Variants in TMEM114 observed in about 807,000 individuals in gnomAD.
TMEM114 encodes the protein claudin-26.
TMEM114 carries 6 observed loss-of-function variants against 6.2 expected under a neutral mutation model. The ratio of observed to expected loss-of-function variants is 0.97; its 90% CI spans 0.53 to 1.91. The LOEUF is 1.91. Ranked by LOEUF, TMEM114 falls within the 40% of genes most tolerant of loss-of-function variation. TMEM114 has a pLI of 0.01. For synonymous variants in TMEM114, 104 were observed against 73.0 expected, an observed-to-expected ratio of 1.42 and a Z score of -2.16; for missense variants, 218 against 158.3, an observed-to-expected ratio of 1.38 and a Z score of -2.02.
At chr16:8,539,772 AT>A (rs1326922640) in intron 2 of TMEM114, among the ~76,000 whole-genome samples, 2 of 152,162 alleles carry the variant, frequency 1.3e-5, no homozygotes, top group Admixed American at 6.5e-5. Flanking sequence ...GAAAAAAAAA[AT>A]GGAAGTAACT....
chr16:8,561,976 G>C (rs12932640), intron 2 of TMEM114, among the ~76,000 whole-genome samples: 3 of 151,410 alleles, frequency 2.0e-5, no homozygotes, highest in Non-Finnish European at 4.4e-5. Context: ...GAATGAGTGA[G>C]TGAATGAGTG....
At chr16:8,567,093 G>C (rs1186814460), downstream of TMEM114, among the ~76,000 whole-genome samples, 2 of 147,492 alleles carry the variant, frequency 1.4e-5, no homozygotes, top group African/African-American at 2.5e-5. Flanking sequence ...ATTTTTAGTA[G>C]AGATGGGGTT....
At position 8,569,662 on chromosome 16, in the gene TMEM114, C is replaced by T; in HGVS notation, c.*111G>A. The T allele has an allele frequency of 6.9e-7, 1 of 1,443,332 alleles. No homozygotes were observed. The highest frequency in any genetic ancestry group is 9.1e-7 in the Non-Finnish European group (1 of 1,102,070). The allele number at this position is 1,443,332 out of a possible 1,614,324, so 89.4% of individuals were successfully genotyped here. A position where few individuals can be genotyped will look rare whatever the true frequency, so the allele number is the denominator to read the frequency against. ...ATTTGTGGGGGAAGGAGGGGGGTGC[C>T]TGGCCTCCCCGAGTGGCCTTTGAGG... On this transcript the variant is annotated 3_prime_UTR_variant, in exon 4 of 4. Coordinates refer to ENST00000620492, the MANE Select transcript of TMEM114 (RefSeq NM_001146336.2).
chr16:8,572,096 G>C lies in TMEM114; in HGVS notation c.430C>G (p.Leu144Val). 6.5e-7 allele frequency: 1 copy of C among 1,548,398 alleles called. No homozygotes were observed. The highest frequency in any genetic ancestry group is 8.7e-7 in the Non-Finnish European group (1 of 1,145,274). Residue 144 changes from leucine (L) to valine (V), a missense_variant, in exon 3 of 4, where the codon CTC becomes GTC. Coordinates refer to ENST00000620492, the MANE Select transcript of TMEM114 (RefSeq NM_001146336.2). ...CAGGGTGGGCACCTACCTCCAAAGA[G>C]GAAGAGAATTCCAGTGAGCAGGAGG... is the stretch of plus-strand genomic sequence containing the variant. ...LLLLLTGILF[L>V]FGAMVTLAGI...
At chr16:8,533,792 C>G (rs992630575), downstream of TMEM114, among the ~76,000 whole-genome samples, 2 of 152,226 alleles carry the variant, frequency 1.3e-5, no homozygotes, top group African/African-American at 4.8e-5. Context: ...TCACACATCT[C>G]TTTCAGCAGG....
At chr16:8,568,008 C>A (rs139018367), downstream of TMEM114, among the ~76,000 whole-genome samples, 11 of 152,306 alleles carry the variant, frequency 7.2e-5, no homozygotes, top group African/African-American at 2.6e-4. Flanking sequence ...AAGGAGCAGA[C>A]AGCCAGTAAA....
the TMEM114 span, among the ~76,000 whole-genome samples, chr16:8,531,321 T>A: frequency 6.6e-6 from 1 of 152,174 alleles, no homozygotes; most frequent in African/African-American, 2.4e-5. Flanking sequence ...ATTCAATAAT[T>A]TAGTTTCTCA....
At chr16:8,565,687 C>G (rs1429171859), downstream of TMEM114, among the ~76,000 whole-genome samples, 1 of 152,200 alleles carries the variant, frequency 6.6e-6, no homozygotes, top group Non-Finnish European at 1.5e-5. Context: ...CACTCTCACC[C>G]CTGCAGGCCG....
At chr16:8,537,604 A>G (rs1900396248), downstream of TMEM114, 6 of 152,362 alleles carry the variant, frequency 3.9e-5, no homozygotes, top group South Asian at 2.1e-4. Flanking sequence ...CATTCTTCCC[A>G]ATTCATATAG....
At chr16:8,547,801 T>C (rs1900719093) in intron 2 of TMEM114, among the ~76,000 whole-genome samples, 1 of 152,128 alleles carries the variant, frequency 6.6e-6, no homozygotes, top group Non-Finnish European at 1.5e-5. Flanking sequence ...ACCACAGTCA[T>C]GGTTATTTAA....
chr16:8,588,646 ACG>A (rs1373313323), intron 2 of TMEM114, among the ~76,000 whole-genome samples: 2 of 152,196 alleles, frequency 1.3e-5, no homozygotes, highest in Non-Finnish European at 2.9e-5. Context: ...AATAAGAGGG[ACG>A]CAGTGGACCT....
At chr16:8,553,774 C>T (rs750805152) in intron 2 of TMEM114, among the ~76,000 whole-genome samples, 15 of 152,222 alleles carry the variant, frequency 9.9e-5, no homozygotes, top group Middle Eastern at 3.4e-3. Context: ...AGCCACTGCG[C>T]CTGCCCAATC....
At chr16:8,560,577 C>T (rs975272611) in intron 2 of TMEM114, among the ~76,000 whole-genome samples, 6 of 152,162 alleles carry the variant, frequency 3.9e-5, no homozygotes, top group Non-Finnish European at 7.3e-5. Flanking sequence ...AGGGAGGTAG[C>T]CCGGGATGTC....
At chr16:8,538,869 AT>A (rs1596464603) in intron 2 of TMEM114, among the ~76,000 whole-genome samples, 1 of 152,152 alleles carries the variant, frequency 6.6e-6, no homozygotes, top group East Asian at 1.9e-4. Context: ...TATGTATTTA[AT>A]TTGAATACAG....
chr16:8,534,774 T>A (rs1454010692), downstream of TMEM114, among the ~76,000 whole-genome samples: 1 of 152,228 alleles, frequency 6.6e-6, no homozygotes, highest in Admixed American at 6.5e-5. Context: ...GCAACTATCA[T>A]CAGAGTTATC....
At position 8,556,138 on chromosome 16, in the gene TMEM114, T is replaced by C. The variant is rs574286424; in HGVS notation, n.213-18312A>G. On this transcript the variant is annotated intron_variant and non_coding_transcript_variant, in intron 2 of 2. Transcript: ENST00000623677. Reference sequence around the variant, plus strand: ...CTGCATCCATCACTCACCCAGTCCATCAATTCTACCTCGTAAATGCCAAGT... The same window carrying C: ...CTGCATCCATCACTCACCCAGTCCACCAATTCTACCTCGTAAATGCCAAGT... Among the ~76,000 whole-genome samples the C allele has an allele frequency of 2.3e-4, 35 of 152,336 alleles. 1 individual carries two copies. In the South Asian group the frequency reaches 7.0e-3, roughly 31 times the overall value.
chr16:8,546,908 C>G (rs73505744), intron 2 of TMEM114, among the ~76,000 whole-genome samples: 1,762 of 152,262 alleles, frequency 0.012, 35 homozygotes, highest in African/African-American at 0.041. Context: ...TTTTCTTGTT[C>G]TTATTTGGTT....
intron 2 of TMEM114, among the ~76,000 whole-genome samples, chr16:8,584,753 C>G (rs1243656409): frequency 6.6e-6 from 1 of 151,818 alleles, no homozygotes; most frequent in Non-Finnish European, 1.5e-5. Context: ...GAAACCCCAT[C>G]TCTACTAAAA....
At chr16:8,540,382 C>G (rs1275008603) in intron 2 of TMEM114, among the ~76,000 whole-genome samples, 3 of 152,170 alleles carry the variant, frequency 2.0e-5, no homozygotes, top group African/African-American at 7.2e-5. Flanking sequence ...ATATCAACCT[C>G]AGTTTCCTCA....
Sources: gnomAD v4.1 joint callset for allele counts (sites outside exome capture counted in the v4.1 genomes callset) on GRCh38, gnomAD v4.1.1 for gene constraint, MANE v1.5 for transcripts, NCBI Gene and HGNC (gene_info 2026-07-23, HGNC 2026-07-21) for gene names.